Variants in SLC9B2 observed in about 807,000 individuals in gnomAD.
The protein encoded by SLC9B2 is solute carrier family 9 member B2, also known as sodium/hydrogen exchanger 9B2.
A neutral mutation model predicts 52.2 loss-of-function variants in SLC9B2; 39 were observed. That is an observed-to-expected ratio of 0.75 (90% CI 0.58 to 0.98). The LOEUF is 0.98. SLC9B2 is among the 50% of genes least tolerant of loss of function. The pLI is 0.00. For synonymous variants in SLC9B2, 214 were observed against 227.0 expected, an observed-to-expected ratio of 0.94 and a Z score of 0.51; for missense variants, 626 against 637.5, an observed-to-expected ratio of 0.98 and a Z score of 0.19.
intron 10 of SLC9B2, 61 bp from the exon 11 acceptor site, chr4:103,028,944 G>T (rs1742459830): frequency 1.5e-6 from 2 of 1,334,482 alleles, no homozygotes; most frequent in Non-Finnish European, 2.0e-6. Flanking sequence ...TGCATCTCAT[G>T]GTTACTAATT....
chr4:103,046,870 G>A (rs1295382054), intron 7 of SLC9B2, among the ~76,000 whole-genome samples, 181 bp downstream of exon 7: 4 of 152,160 alleles, frequency 2.6e-5, no homozygotes, highest in Non-Finnish European at 5.9e-5. Flanking sequence ...GTCTCTAGAG[G>A]GAGCAAGAGA....
At chr4:103,018,999 T>C (rs1416076595), downstream of SLC9B2, among the ~76,000 whole-genome samples, 1 of 152,204 alleles carries the variant, frequency 6.6e-6, no homozygotes, top group Non-Finnish European at 1.5e-5. Context: ...TAATGCCTGA[T>C]GATCTGAGAT....
intron 1 of SLC9B2, 76 bp from the exon 2 acceptor site, chr4:103,067,668 T>A: frequency 1.2e-6 from 1 of 805,024 alleles, no homozygotes; most frequent in Non-Finnish European, 2.0e-6. Context: ...TTGTACTTAT[T>A]TTTTTCCCTA....
chr4:103,043,118 T>C (rs572455666), intron 9 of SLC9B2, among the ~76,000 whole-genome samples, 178 bp downstream of exon 9: 2 of 152,312 alleles, frequency 1.3e-5, no homozygotes, highest in East Asian at 1.9e-4. Context: ...CATCAAGTTA[T>C]AGATTGATGT....
At chr4:103,053,722 G>A (rs1440211139) in intron 4 of SLC9B2, among the ~76,000 whole-genome samples, 1 of 146,608 alleles carries the variant, frequency 6.8e-6, no homozygotes, top group African/African-American at 2.5e-5. Flanking sequence ...TTCTTTTTTT[G>A]AGACCGAGTC....
At chr4:103,055,014 T>C (rs1745000482) in intron 4 of SLC9B2, among the ~76,000 whole-genome samples, 1 of 151,840 alleles carries the variant, frequency 6.6e-6, no homozygotes, top group Admixed American at 6.6e-5. Context: ...ATAGACTGGA[T>C]TAAGGAAATG....
chr4:103,032,202 A>G (rs533111613), intron 9 of SLC9B2, among the ~76,000 whole-genome samples: 1 of 152,282 alleles, frequency 6.6e-6, no homozygotes, highest in Non-Finnish European at 1.5e-5. Flanking sequence ...AGAGCTTGCA[A>G]TATTGGTACA....
rs771218377 is a variant in SLC9B2, at chr4:103,023,122, G to A, written c.*3248C>T. On this transcript the variant is annotated 3_prime_UTR_variant, in exon 12 of 12. Transcript: ENST00000394785. ...AGATAGACTAAGTGGACTAAGATCC[G>A]AACTGTCGTGTGGCAAGTAGTTTTC... Among the ~76,000 whole-genome samples the A allele has an allele frequency of 6.6e-5, 10 of 152,194 alleles. No individual in the cohort carries two copies. Among genetic ancestry groups the A allele is most frequent in the Non-Finnish European group, 1.3e-4 (9 of 68,024 alleles).
chr4:103,043,180 A>G, intron 9 of SLC9B2, 116 bp downstream of exon 9: 1 of 1,160,062 alleles, frequency 8.6e-7, no homozygotes, highest in Non-Finnish European at 1.2e-6. Flanking sequence ...TATGCACATT[A>G]AGATAGCTTT....
chr4:103,070,754 C>T (rs188061414), intron 1 of SLC9B2, among the ~76,000 whole-genome samples: 1 of 152,216 alleles, frequency 6.6e-6, no homozygotes, highest in East Asian at 1.9e-4. Flanking sequence ...ATTTCGAAAA[C>T]AATTCTAATG....
chr4:103,055,574 A>T (rs1360553773), intron 4 of SLC9B2, among the ~76,000 whole-genome samples: 1 of 150,728 alleles, frequency 6.6e-6, no homozygotes, highest in Non-Finnish European at 1.5e-5. Context: ...TTTAACTTTA[A>T]CTACTGACCA....
intron 9 of SLC9B2, among the ~76,000 whole-genome samples, chr4:103,033,344 G>A (rs1742869408): frequency 6.6e-6 from 1 of 152,118 alleles, no homozygotes; most frequent in South Asian, 2.1e-4. Context: ...AAAGCTGGAA[G>A]CATTCCTTTT....
At chr4:103,046,042 T>C (rs963807587) in intron 7 of SLC9B2, among the ~76,000 whole-genome samples, 1 of 152,152 alleles carries the variant, frequency 6.6e-6, no homozygotes, top group Non-Finnish European at 1.5e-5. Flanking sequence ...GAAAACAATG[T>C]TTTAAGAAAA....
chr4:103,029,011 A>G (rs1742466525), intron 10 of SLC9B2, 128 bp from the exon 11 acceptor site: 1 of 755,596 alleles, frequency 1.3e-6, no homozygotes, highest in Non-Finnish European at 2.0e-6. Flanking sequence ...AAATACAAAA[A>G]TGTTTAGGAA....
At chr4:103,039,189 A>G (rs1560544859) in intron 9 of SLC9B2, among the ~76,000 whole-genome samples, 1 of 152,214 alleles carries the variant, frequency 6.6e-6, no homozygotes, top group African/African-American at 2.4e-5. Context: ...TGGCATCCCA[A>G]TCTCCATATT....
rs1004467907 is a variant in SLC9B2, at chr4:103,025,945, TA to T, written c.*424del. The T allele has an allele frequency of 2.6e-5, 4 of 153,922 alleles. No individual in the cohort carries two copies. Among genetic ancestry groups the T allele is most frequent in the African/African-American group, 9.7e-5 (4 of 41,440 alleles). 9.5% of individuals were successfully genotyped at this position (153,922 alleles called of 1,614,324 possible). ...TAATGAGAGACTGCATTATGATGTT[TA>T]ACAACAAAAACAGATCCAAAAAAGA... On this transcript the variant is annotated 3_prime_UTR_variant, in exon 12 of 12. Coordinates refer to ENST00000394785, the MANE Select transcript of SLC9B2 (RefSeq NM_178833.7).
downstream of SLC9B2, chr4:103,019,663 A>G: frequency 1.0e-6 from 1 of 985,464 alleles, no homozygotes; most frequent in Non-Finnish European, 1.2e-6. Flanking sequence ...ACCGTTGCGT[A>G]AGCCACGCGC....
intron 1 of SLC9B2, 66 bp downstream of exon 1, chr4:103,076,118 G>C (rs1747122604): frequency 6.6e-6 from 1 of 152,332 alleles, no homozygotes; most frequent in Non-Finnish European, 1.5e-5. Flanking sequence ...GGTCCAGCAG[G>C]CCTACAGGGT....
intron 11 of SLC9B2, among the ~76,000 whole-genome samples, chr4:103,027,619 G>A (rs1018971489): frequency 2.6e-5 from 4 of 152,028 alleles, no homozygotes; most frequent in African/African-American, 7.2e-5. Context: ...AAGCCTCTAA[G>A]ACAATGAAAA....
Sources: allele counts gnomAD v4.1 joint callset (sites outside exome capture counted in the v4.1 genomes callset), GRCh38; gene constraint gnomAD v4.1.1; transcripts MANE v1.5; gene names NCBI Gene and HGNC (gene_info 2026-07-23, HGNC 2026-07-21).